The following MYEOV variants were observed in gnomAD, a reference collection of about 807,000 sequenced individuals.
The protein encoded by MYEOV is myeloma-overexpressed gene protein.
In MYEOV, 4 loss-of-function variants were observed where a neutral mutation model predicts 4.5. The ratio of observed to expected loss-of-function variants is 0.89; its 90% confidence interval spans 0.44 to 2.03. The LOEUF (loss-of-function observed/expected upper bound fraction) is 2.03. Ranked by LOEUF, MYEOV falls within the 30% of genes most tolerant of loss-of-function variation. The pLI, the probability that MYEOV is intolerant of heterozygous loss-of-function variation, is 0.03. For synonymous variants in MYEOV, 184 were observed against 170.3 expected (o/e 1.08, Z -0.63); for missense variants, 408 against 412.8 (o/e 0.99, Z 0.10).
rs117131950 is a variant in MYEOV, at chr11:69,295,686, G to T, written c.236G>T (p.Arg79Leu). ...TCCAAAGCCGGCAGATCCCGGGGCC[G>T]CCTCTGTCTCTCCCAGGCCCTGCGT... Reference protein sequence around the residue: ...EGSKAGRSRGRLCLSQALRVA... With the variant: ...EGSKAGRSRGLLCLSQALRVA... Residue 79 changes from arginine (R) to leucine (L), a missense_variant, in exon 3 of 3, where the codon CGC (arginine) becomes CTC (leucine). By Grantham distance (102) the Arg-to-Leu change is moderately radical. Coordinates refer to ENST00000441339, the MANE Select transcript of MYEOV (RefSeq NM_001293291.2). This position sits in a 1 kb window ranked among gnomAD's most constrained non-coding sequence, Gnocchi z 4.1. 6.2e-7 allele frequency: 1 copy of T among 1,614,144 alleles called. No individual in the cohort carries two copies. The highest frequency in any genetic ancestry group is 8.5e-7 in the Non-Finnish European group (1 of 1,180,034).
At position 69,295,703 on chromosome 11, in the gene MYEOV, G is replaced by A. The variant is rs778942272; in HGVS notation, c.253G>A (p.Ala85Thr). ...CCGGGGCCGCCTCTGTCTCTCCCAG[G>A]CCCTGCGTGTTGCGGTGAGAGGAGC... ...RSRGRLCLSQ[A>T]LRVAVRGAFV... The change falls in exon 3 of 3, where the codon GCC becomes ACC. Residue 85 changes from alanine (A) to threonine (T), a missense_variant. By Grantham distance (58) the Ala-to-Thr change is moderately conservative. Transcript: ENST00000441339. The surrounding 1 kb of genome is among the most constrained non-coding windows in gnomAD (Gnocchi z 4.1). 2 of 1,614,182 alleles carry A rather than the reference G, an allele frequency of 1.2e-6. No homozygotes were observed. The highest frequency in any genetic ancestry group is 1.7e-6 in the Non-Finnish European group (2 of 1,180,024).
In MYEOV at chr11:69,296,554, C is replaced by T. The variant is rs1026170535; in HGVS notation, c.*162C>T. On this transcript the variant is annotated 3_prime_UTR_variant, in exon 3 of 3. Coordinates refer to ENST00000441339, the MANE Select transcript of MYEOV (RefSeq NM_001293291.2). Reference sequence around the variant, plus strand: ...GTTCCAAGTTTCCTCTCCCAACTCTCCTACCCTCTCCTCTTCCTTCTCCTT... The same window carrying T: ...GTTCCAAGTTTCCTCTCCCAACTCTTCTACCCTCTCCTCTTCCTTCTCCTT... The T allele has an allele frequency of 7.8e-6, 4 of 511,740 alleles. No individual in the cohort carries two copies. The highest frequency in any genetic ancestry group is 1.4e-5 in the Non-Finnish European group (4 of 295,352). The allele number at this position is 511,740 out of a possible 1,614,324, so 31.7% of individuals were successfully genotyped here. A position where few individuals can be genotyped will look rare whatever the true frequency, so the allele number is the denominator to read the frequency against.
chr11:69,294,224 G>A lies in MYEOV; in HGVS notation c.-475G>A, dbSNP rs1252700752. On this transcript the variant is annotated 5_prime_UTR_variant, in exon 1 of 3. Coordinates refer to ENST00000441339, the MANE Select transcript of MYEOV (RefSeq NM_001293291.2). Reference sequence around the variant, plus strand: ...GCTTGGGAGAGGCCAAGTGAGTGGGGAATCAGCCCAAAGCCAGGCGTCCAG... The same window carrying A: ...GCTTGGGAGAGGCCAAGTGAGTGGGAAATCAGCCCAAAGCCAGGCGTCCAG... 1 of 152,314 alleles carries A rather than the reference G, an allele frequency of 6.6e-6. No individual in the cohort carries two copies. Among genetic ancestry groups the A allele is most frequent in the Non-Finnish European group, 1.5e-5 (1 of 68,106 alleles). 9.4% of individuals were successfully genotyped at this position (152,314 alleles called of 1,614,324 possible). A position where few individuals can be genotyped will look rare whatever the true frequency, so the allele number is the denominator to read the frequency against.
At position 69,296,463 on chromosome 11, in the gene MYEOV, C is replaced by A; in HGVS notation, c.*71C>A. The A allele has an allele frequency of 9.9e-7, 1 of 1,011,600 alleles. No individual in the cohort carries two copies. The highest frequency in any genetic ancestry group is 1.4e-6 in the Non-Finnish European group (1 of 713,158). 62.7% of individuals were successfully genotyped at this position (1,011,600 alleles called of 1,614,324 possible). Reference sequence around the variant, plus strand: ...TCCTCAGAATGACTCCATGAGGTAGCTACTAAAACCCCCCACTTAACAGAT... The same window carrying A: ...TCCTCAGAATGACTCCATGAGGTAGATACTAAAACCCCCCACTTAACAGAT... On this transcript the variant is annotated 3_prime_UTR_variant, in exon 3 of 3. Coordinates refer to ENST00000441339, the MANE Select transcript of MYEOV (RefSeq NM_001293291.2).
Position 69,296,110 on chromosome 11 carries a change from C to A in MYEOV, c.660C>A (p.Thr220=). 6.2e-7 allele frequency: 1 copy of A among 1,614,162 alleles called. No individual in the cohort carries two copies. The highest frequency in any genetic ancestry group is 1.1e-5 in the South Asian group (1 of 91,086). ...CCGGTGCCGGGGCACTCTGCATGAC[C>A]CTGGCAGAATCGAGCTGCCCTGACT... ...LLAGAGALCM[T]LAESSCPDYE... The change falls in exon 3 of 3, where the codon ACC becomes ACA. Residue 220 remains threonine (T), a synonymous_variant. Transcript: ENST00000441339.
chr11:69,295,816 C>T lies in MYEOV; in HGVS notation c.366C>T (p.Ser122=). The part of the protein sequence containing the change: ...DKGAQTGAGL[S]QEAEDVDVSR... ...GTGCCCAGACAGGTGCGGGGCTCAG[C>T]CAGGAGGCAGAAGACGTGGACGTGT... Residue 122 remains serine, a synonymous_variant, in exon 3 of 3, where the codon AGC becomes AGT. Transcript: ENST00000441339. This position sits in a 1 kb window ranked among gnomAD's most constrained non-coding sequence, Gnocchi z 4.1. 6.2e-7 allele frequency: 1 copy of T among 1,614,120 alleles called. No individual in the cohort carries two copies. Among genetic ancestry groups the T allele is most frequent in the Non-Finnish European group, 8.5e-7 (1 of 1,180,010 alleles).
rs369029296 is a variant in MYEOV at position 69,296,397 on chromosome 11, G to T, written c.*5G>T. 2.5e-3 allele frequency: 3,661 copies of T among 1,437,962 alleles called. 149 individuals are homozygous for T. In the South Asian group the frequency reaches 0.051, roughly 20 times the overall value. The allele number at this position is 1,437,962 out of a possible 1,614,324, so 89.1% of individuals were successfully genotyped here. A position where few individuals can be genotyped will look rare whatever the true frequency, so the allele number is the denominator to read the frequency against. On this transcript the variant is annotated 3_prime_UTR_variant, in exon 3 of 3. Transcript: ENST00000441339. ...ATCATCATCCTCACTTGTTGAGGAC[G>T]TCCTGTGTGCCAAGTGGTTTATATG... is the stretch of plus-strand genomic sequence containing the variant.
Position 69,295,061 on chromosome 11 carries a change from G to A in MYEOV, c.-122-172G>A, listed in dbSNP as rs952020937. On this transcript the variant is annotated intron_variant, in intron 1 of 2. Coordinates refer to ENST00000441339, the MANE Select transcript of MYEOV (RefSeq NM_001293291.2). The surrounding 1 kb of genome is among the most constrained non-coding windows in gnomAD (Gnocchi z 4.1). ...AGAGATGGGGAGGCTGGGGCCACCCGGTGGATTTGGGCAGGTCCCAGCTTC... is the reference window on the plus strand; with the variant it reads ...AGAGATGGGGAGGCTGGGGCCACCCAGTGGATTTGGGCAGGTCCCAGCTTC... Among the ~76,000 whole-genome samples, 3 of 152,196 alleles carry A rather than the reference G, an allele frequency of 2.0e-5. No individual in the cohort carries two copies. The highest frequency in any genetic ancestry group is 4.4e-5 in the Non-Finnish European group (3 of 68,028).
chr11:69,295,634 CGGCAGGCTGG>C lies in MYEOV; in HGVS notation c.185_194del (p.Arg62HisfsTer26), dbSNP rs780588702. ...CAGGGACTCGTTGCTCATGTTCACC[CGGCAGGCTGG>C]ACACTTCGTGGAGGGCTCCAAAGCC... On this transcript the variant is annotated frameshift_variant, in exon 3 of 3. Transcript: ENST00000441339. The surrounding 1 kb of genome is among the most constrained non-coding windows in gnomAD (Gnocchi z 4.1). 1 of 1,614,082 alleles carries C rather than the reference CGGCAGGCTGG, an allele frequency of 6.2e-7. No individual in the cohort carries two copies. The highest frequency in any genetic ancestry group is 1.7e-5 in the Admixed American group (1 of 60,024).
chr11:69,296,191 C>G lies in MYEOV; in HGVS notation c.741C>G (p.Cys247Trp). ...TCCACCGGCACCCCACCCCTCACTG[C>G]TCCACCTGGGGCCTGCCTCTGCGGG... ...LTLHRHPTPH[C>W]STWGLPLRVA... is the part of the protein sequence containing the mutation. Residue 247 changes from cysteine (C) to tryptophan (W), a missense_variant, in exon 3 of 3, where the codon TGC becomes TGG. By Grantham distance (215) the Cys-to-Trp change is radical. Coordinates refer to ENST00000441339, the MANE Select transcript of MYEOV (RefSeq NM_001293291.2). 6.2e-7 allele frequency: 1 copy of G among 1,613,584 alleles called. No individual in the cohort carries two copies. The highest frequency in any genetic ancestry group is 8.5e-7 in the Non-Finnish European group (1 of 1,179,668).
In MYEOV at chr11:69,296,726, C is replaced by A; in HGVS notation, c.*334C>A. 3.7e-6 allele frequency: 1 copy of A among 271,408 alleles called. No individual in the cohort carries two copies. The highest frequency in any genetic ancestry group is 7.0e-6 in the Non-Finnish European group (1 of 143,038). The allele number at this position is 271,408 out of a possible 1,614,324, so 16.8% of individuals were successfully genotyped here. ...CAGCTGGTTAGAGGCTGGGAGGACA[C>A]GCAAGTTCAGCTCCAGCCGACTGGG... On this transcript the variant is annotated 3_prime_UTR_variant, in exon 3 of 3. Coordinates refer to ENST00000441339, the MANE Select transcript of MYEOV (RefSeq NM_001293291.2).
chr11:69,295,388 G>A lies in MYEOV; in HGVS notation c.34G>A (p.Ala12Thr), dbSNP rs762074615. 8.1e-6 allele frequency: 13 copies of A among 1,612,992 alleles called. No homozygotes were observed. In the East Asian group the frequency reaches 2.5e-4, roughly 30 times the overall value. ...CAGAATCTGCGTCACATACACCCCA[G>A]CTCTCCCGATAGGTCTCTGCACTCG... ...ALRICVTYTP[A>T]LPIGLCTRCC... The change falls in exon 2 of 3, where the codon GCT becomes ACT. Residue 12 changes from alanine (A) to threonine (T), a missense_variant. Transcript: ENST00000441339. The surrounding 1 kb of genome is among the most constrained non-coding windows in gnomAD (Gnocchi z 4.1).
chr11:69,295,099 G>A lies in MYEOV; in HGVS notation c.-122-134G>A. ...AGGTCCCAGCTTCCAGGATCATGAG[G>A]TGAAAACGTGAAGGGACCCTAGAGG... On this transcript the variant is annotated intron_variant, in intron 1 of 2. Coordinates refer to ENST00000441339, the MANE Select transcript of MYEOV (RefSeq NM_001293291.2). The surrounding 1 kb of genome is among the most constrained non-coding windows in gnomAD (Gnocchi z 4.1). 1 of 528,566 alleles carries A rather than the reference G, an allele frequency of 1.9e-6. No homozygotes were observed. Among genetic ancestry groups the A allele is most frequent in the Non-Finnish European group, 3.3e-6 (1 of 306,412 alleles). 32.7% of individuals were successfully genotyped at this position (528,566 alleles called of 1,614,324 possible). A position where few individuals can be genotyped will look rare whatever the true frequency, so the allele number is the denominator to read the frequency against.
At position 69,295,782 on chromosome 11, in the gene MYEOV, G is replaced by A. The variant is rs1369100374; in HGVS notation, c.332G>A (p.Gly111Glu). ...GCTGGTGACCGGGAGAGAAACAAGGGAGACAAGGGTGCCCAGACAGGTGCG... is the reference window on the plus strand; with the variant it reads ...GCTGGTGACCGGGAGAGAAACAAGGAAGACAAGGGTGCCCAGACAGGTGCG... ...AGAGDRERNKGDKGAQTGAGL... is the reference protein window; with the variant it reads ...AGAGDRERNKEDKGAQTGAGL... Residue 111 changes from glycine to glutamate, a missense_variant, in exon 3 of 3, where the codon GGA (glycine) becomes GAA (glutamate). Physicochemically the swap from Gly to Glu is moderately conservative, Grantham distance 98 (BLOSUM62 -2). Coordinates refer to ENST00000441339, the MANE Select transcript of MYEOV (RefSeq NM_001293291.2). This position sits in a 1 kb window ranked among gnomAD's most constrained non-coding sequence, Gnocchi z 4.1. 1 of 1,614,202 alleles carries A rather than the reference G, an allele frequency of 6.2e-7. No individual in the cohort carries two copies. The highest frequency in any genetic ancestry group is 2.2e-5 in the East Asian group (1 of 44,878).
At position 69,295,435 on chromosome 11, in the gene MYEOV, G is replaced by A; in HGVS notation, c.81G>A (p.Gln27=). 6.2e-7 allele frequency: 1 copy of A among 1,614,144 alleles called. No individual in the cohort carries two copies. Among genetic ancestry groups the A allele is most frequent in the South Asian group, 1.1e-5 (1 of 91,076 alleles). Residue 27 remains glutamine (Q), a synonymous_variant, in exon 2 of 3, where the codon CAG becomes CAA. Transcript: ENST00000441339. The surrounding 1 kb of genome is among the most constrained non-coding windows in gnomAD (Gnocchi z 4.1). The part of the protein sequence containing the change: ...LCTRCCLCLE[Q]SPSWCHCLRG... ...CTCGCTGTTGCCTCTGCCTGGAACA[G>A]TCTCCCTCCTGGTGTCATTGTCTCC...
In MYEOV at chr11:69,295,213, A is replaced by T; in HGVS notation, c.-122-20A>T. 7.5e-7 allele frequency: 1 copy of T among 1,328,876 alleles called. No individual in the cohort carries two copies. Among genetic ancestry groups the T allele is most frequent in the Non-Finnish European group, 1.0e-6 (1 of 993,116 alleles). The allele number at this position is 1,328,876 out of a possible 1,614,324, so 82.3% of individuals were successfully genotyped here. ...CTTCCCGGGGTGGATTACGGATGGT[A>T]GTATCTTCCTTCTCCTCAGAGTCCA... is the stretch of plus-strand genomic sequence containing the variant. On this transcript the variant is annotated intron_variant, in intron 1 of 2. Transcript: ENST00000441339. The surrounding 1 kb of genome is among the most constrained non-coding windows in gnomAD (Gnocchi z 4.1).
rs1032034880 is a variant in MYEOV, at chr11:69,296,093, G to A, written c.643G>A (p.Gly215Arg). 1.4e-5 allele frequency: 22 copies of A among 1,613,996 alleles called. No individual in the cohort carries two copies. The highest frequency in any genetic ancestry group is 8.0e-5 in the African/African-American group (6 of 74,906). ...SPGRGLLAGA[G>R]ALCMTLAESS... ...TGGGCGAGGACTTCTGGCCGGTGCC[G>A]GGGCACTCTGCATGACCCTGGCAGA... Residue 215 changes from glycine (G) to arginine (R), a missense_variant, in exon 3 of 3, where the codon GGG (glycine) becomes AGG (arginine). Physicochemically the swap from Gly to Arg is moderately radical, Grantham distance 125. Transcript: ENST00000441339.
chr11:69,295,614 A>C lies in MYEOV; in HGVS notation c.164A>C (p.Asp55Ala), dbSNP rs1437468563. Reference sequence around the variant, plus strand: ...TAGTCTGTCCCCCTTGGGGACAGGGACTCGTTGCTCATGTTCACCCGGCAG... The same window carrying C: ...TAGTCTGTCCCCCTTGGGGACAGGGCCTCGTTGCTCATGTTCACCCGGCAG... ...LHQSVPLGDR[D>A]SLLMFTRQAG... Residue 55 changes from aspartate to alanine, a missense_variant, in exon 3 of 3, where the codon GAC becomes GCC. Asp to Ala is a moderately radical substitution (Grantham distance 126, BLOSUM62 -2). Transcript: ENST00000441339. The surrounding 1 kb of genome is among the most constrained non-coding windows in gnomAD (Gnocchi z 4.1). 1.5e-5 allele frequency: 24 copies of C among 1,613,378 alleles called. No individual in the cohort carries two copies. The highest frequency in any genetic ancestry group is 1.9e-5 in the Non-Finnish European group (22 of 1,179,792).
At position 69,296,409 on chromosome 11, in the gene MYEOV, A is replaced by T. The variant is rs911475403; in HGVS notation, c.*17A>T. 2.0e-5 allele frequency: 28 copies of T among 1,413,296 alleles called. No homozygotes were observed. Among genetic ancestry groups the T allele is most frequent in the Admixed American group, 2.9e-5 (1 of 34,642 alleles). The allele number at this position is 1,413,296 out of a possible 1,614,324, so 87.5% of individuals were successfully genotyped here. A position where few individuals can be genotyped will look rare whatever the true frequency, so the allele number is the denominator to read the frequency against. ...ACTTGTTGAGGACGTCCTGTGTGCC[A>T]AGTGGTTTATATGCCCAGCCTCATT... On this transcript the variant is annotated 3_prime_UTR_variant, in exon 3 of 3. Transcript: ENST00000441339.
Sources: gnomAD v4.1 joint callset for allele counts (sites outside exome capture counted in the v4.1 genomes callset) on GRCh38, gnomAD v4.1.1 for gene constraint, Gnocchi (gnomAD v3.1) non-coding constraint, MANE v1.5 for transcripts, NCBI Gene and HGNC (gene_info 2026-07-23, HGNC 2026-07-21) for gene names.